ADGRD2: variants seen among roughly 807,000 people sequenced by gnomAD.
ADGRD2 encodes adhesion G protein-coupled receptor D2.
Under a neutral mutation model 44.4 loss-of-function variants are expected in ADGRD2, and 71 were observed. The ratio of observed to expected loss-of-function variants is 1.60; its 90% CI spans 1.32 to 1.95. ADGRD2 has a LOEUF of 1.95. ADGRD2 is among the 30% of genes most tolerant of loss of function. ADGRD2 has a pLI of 0.00. For synonymous variants in ADGRD2, 481 were observed against 224.8 expected, an observed-to-expected ratio of 2.14 and a Z score of -10.19; for missense variants, 1,039 against 512.4, an observed-to-expected ratio of 2.03 and a Z score of -9.92.
rs1831578489 is a variant in ADGRD2, at chr9:124,454,622, C to G, written c.1108+53C>G. The G allele has an allele frequency of 1.4e-6, 1 of 698,332 alleles. No individual in the cohort carries two copies. Among genetic ancestry groups the G allele is most frequent in the African/African-American group, 1.8e-5 (1 of 57,034 alleles). The allele number at this position is 698,332 out of a possible 1,614,324, so 43.3% of individuals were successfully genotyped here. ...CCTGGGGGCTCCATGGGTCACCTCGCTGCACCTCAGTTTCCTCCCTTGTAA... is the reference window on the plus strand; with the variant it reads ...CCTGGGGGCTCCATGGGTCACCTCGGTGCACCTCAGTTTCCTCCCTTGTAA... On this transcript the variant is annotated intron_variant, in intron 5 of 21. Transcript: ENST00000334810. The surrounding 1 kb of genome is among the most constrained non-coding windows in gnomAD (Gnocchi z 4.5).
At position 124,469,292 on chromosome 9, in the gene ADGRD2, C is replaced by T. The variant is rs1239740230; in HGVS notation, c.2460C>T (p.Cys820=). 5.6e-6 allele frequency: 4 copies of T among 718,144 alleles called. No individual in the cohort carries two copies. The African/African-American group carries it at 7.0e-5, about 13-fold the overall frequency. 44.5% of individuals were successfully genotyped at this position (718,144 alleles called of 1,614,324 possible). Residue 820 remains cysteine (C), a synonymous_variant, in exon 15 of 22, where the codon TGC becomes TGT. Coordinates refer to ENST00000334810, the Ensembl canonical transcript of ADGRD2. ...ATGACTACGTGGCCCCCGGACATTG[C>T]TGGCTCAATGTGCACACAAATGCCA...
At chr9:124,458,825 T>C in intron 10 of ADGRD2, 104 bp downstream of exon 13, 1 of 634,326 alleles carries the variant, frequency 1.6e-6, no homozygotes, top group Non-Finnish European at 2.9e-6. Flanking sequence ...GGCCTAATAA[T>C]GCACACAAAA....
chr9:124,474,316 CA>C (rs1486060717), intron 17 of ADGRD2, among the ~76,000 whole-genome samples: 1 of 151,142 alleles, frequency 6.6e-6, no homozygotes, highest in African/African-American at 2.4e-5. Flanking sequence ...GATTTTGTCC[CA>C]GGGGTAGTTG....
rs9987945 is a variant in ADGRD2, at chr9:124,476,343, C to A, written c.2846-14C>A. The A allele has an allele frequency of 0.015, 10,546 of 687,466 alleles. 729 individuals carry two copies. In the African/African-American group the frequency reaches 0.16, roughly 10 times the overall value. The allele number at this position is 687,466 out of a possible 1,614,324, so 42.6% of individuals were successfully genotyped here. A position where few individuals can be genotyped will look rare whatever the true frequency, so the allele number is the denominator to read the frequency against. On this transcript the variant is annotated splice_polypyrimidine_tract_variant and intron_variant, in intron 19 of 21. Transcript: ENST00000334810. ...CTGCCTTCGTCTCTCAAAAATTTGC[C>A]TTTTCCTCCCTAGGGACCTATGGCC...
intron 10 of ADGRD2, among the ~76,000 whole-genome samples, chr9:124,460,799 T>C (rs1237287367): frequency 6.6e-6 from 1 of 152,120 alleles, no homozygotes; most frequent in African/African-American, 2.4e-5. Context: ...ATAAATGATT[T>C]CTCTTTACTA....
At chr9:124,466,236 C>A in intron 10 of ADGRD2, 22 bp from the exon 14 acceptor site, 1 of 596,124 alleles carries the variant, frequency 1.7e-6, no homozygotes, top group Non-Finnish European at 3.2e-6. Context: ...GCCCCTCACC[C>A]CCTTGTCCAC....
chr9:124,453,256 G>C, exon 3 of ADGRD2: 1 of 543,362 alleles, frequency 1.8e-6, no homozygotes, highest in Non-Finnish European at 3.2e-6. Context: ...CGTCGTGCGC[G>C]CTGCGCTGGT....
At chr9:124,477,674 C>A (rs943364188) in intron 21 of ADGRD2, among the ~76,000 whole-genome samples, 4 of 152,196 alleles carry the variant, frequency 2.6e-5, no homozygotes, top group East Asian at 1.9e-4. Context: ...GGATCCCAGG[C>A]CCCGACCAGC....
At chr9:124,472,809 T>G (rs1437609358) in intron 17 of ADGRD2, among the ~76,000 whole-genome samples, 1 of 152,106 alleles carries the variant, frequency 6.6e-6, no homozygotes, top group Non-Finnish European at 1.5e-5. Context: ...CACCCAGCCC[T>G]CTGACACCAG....
chr9:124,467,711 C>A lies in ADGRD2; in HGVS notation c.2027-10C>A. On this transcript the variant is annotated splice_polypyrimidine_tract_variant and intron_variant, in intron 11 of 21. Transcript: ENST00000334810. ...TGGTGCCAGGGGGGTTTCTCTGTCC[C>A]TCCACACAGAGAGGCCCTGAGGAGG... 1 of 718,336 alleles carries A rather than the reference C, an allele frequency of 1.4e-6. No individual in the cohort carries two copies. Among genetic ancestry groups the A allele is most frequent in the Non-Finnish European group, 2.6e-6 (1 of 385,060 alleles). The allele number at this position is 718,336 out of a possible 1,614,324, so 44.5% of individuals were successfully genotyped here.
At chr9:124,453,123 G>T (rs1312897240) in exon 3 of ADGRD2, 17 of 701,558 alleles carry the variant, frequency 2.4e-5, no homozygotes. Context: ...AGCTGGCAGC[G>T]CTGACCGCGT....
rs1020599061 is a variant in ADGRD2, at chr9:124,466,418, G to A, written c.2026+5G>A. The A allele has an allele frequency of 7.2e-6, 5 of 695,560 alleles. No individual in the cohort carries two copies. The highest frequency in any genetic ancestry group is 1.8e-5 in the African/African-American group (1 of 56,610). 43.1% of individuals were successfully genotyped at this position (695,560 alleles called of 1,614,324 possible). A position where few individuals can be genotyped will look rare whatever the true frequency, so the allele number is the denominator to read the frequency against. ...CTGCAAATCTATGAAGTACAGGTGA[G>A]TGCACGGTGGGAGGGGGGTGTCAGG... On this transcript the variant is annotated splice_donor_5th_base_variant and intron_variant, in intron 11 of 21. Transcript: ENST00000334810.
In ADGRD2 at chr9:124,469,625, C is replaced by T. The variant is rs891380248; in HGVS notation, c.2637+78C>T. 44 of 696,288 alleles carry T rather than the reference C, an allele frequency of 6.3e-5. 1 individual carries two copies. The highest frequency in any genetic ancestry group is 1.0e-4 in the Non-Finnish European group (38 of 375,030). 43.1% of individuals were successfully genotyped at this position (696,288 alleles called of 1,614,324 possible). ...GGCGCCAGGCGTGAGGCTCACTGGG[C>T]GAGAGCACGTGCGAGTCTGTGTCCA... On this transcript the variant is annotated intron_variant, in intron 16 of 21. Transcript: ENST00000334810.
intron 17 of ADGRD2, among the ~76,000 whole-genome samples, chr9:124,474,470 G>C (rs538672725): frequency 2.6e-4 from 39 of 152,232 alleles, no homozygotes; most frequent in African/African-American, 8.7e-4. Flanking sequence ...GGCTGGGCCT[G>C]GAGACCTGGG....
At chr9:124,458,281 C>A in intron 9 of ADGRD2, 45 bp downstream of exon 12, 1 of 714,088 alleles carries the variant, frequency 1.4e-6, no homozygotes, top group Non-Finnish European at 2.6e-6. Context: ...TGTGTCCCCT[C>A]CCCAAGGAAG....
chr9:124,476,282 C>G (rs1832047311), intron 19 of ADGRD2, 75 bp from the exon 23 acceptor site: 1 of 645,686 alleles, frequency 1.5e-6, no homozygotes, highest in Non-Finnish European at 2.8e-6. Flanking sequence ...TCCTGAGGGC[C>G]CCACTCCCAG....
chr9:124,451,190 C>T (rs1326081096), upstream of ADGRD2: 1 of 472,056 alleles, frequency 2.1e-6, no homozygotes, highest in Non-Finnish European at 4.4e-6. Flanking sequence ...CACGGAGCAG[C>T]GGTGGACAGG....
exon 22 of ADGRD2, chr9:124,478,498 C>G (rs1832089624): frequency 6.5e-6 from 1 of 152,732 alleles, no homozygotes; most frequent in South Asian, 2.1e-4. Context: ...CCAGTCTTTG[C>G]CTATCTGTGA....
chr9:124,473,827 G>A (rs192746663), intron 17 of ADGRD2, among the ~76,000 whole-genome samples: 1 of 152,098 alleles, frequency 6.6e-6, no homozygotes, highest in Non-Finnish European at 1.5e-5. Flanking sequence ...AAGACCTGAC[G>A]GCTGTATGGA....
Sources: gnomAD v4.1 joint callset for allele counts (sites outside exome capture counted in the v4.1 genomes callset) on GRCh38, gnomAD v4.1.1 for gene constraint, Gnocchi (gnomAD v3.1) non-coding constraint, MANE v1.5 for transcripts, NCBI Gene and HGNC (gene_info 2026-07-23, HGNC 2026-07-21) for gene names.